The following MORC1 variants were observed in gnomAD, a reference collection of about 807,000 sequenced individuals.
MORC1 encodes the protein MORC family CW-type zinc finger protein 1.
A neutral mutation model predicts 134.9 loss-of-function variants in MORC1; 59 were observed. The observed-to-expected ratio is 0.44, with a 90% CI of 0.35 to 0.54. The LOEUF is 0.54. Ranked by LOEUF, MORC1 falls within the 20% of genes least tolerant of loss-of-function variation. MORC1 has a pLI of 0.00. For synonymous variants in MORC1, 395 were observed against 391.7 expected, an observed-to-expected ratio of 1.01 and a Z score of -0.10; for missense variants, 947 against 1,134.5, an observed-to-expected ratio of 0.83 and a Z score of 2.37.
intron 17 of MORC1, among the ~76,000 whole-genome samples, chr3:109,022,830 T>C (rs560247353): frequency 5.3e-5 from 8 of 152,282 alleles, no homozygotes; most frequent in Admixed American, 3.3e-4. Flanking sequence ...CTAGGTACTA[T>C]TGGGAATGCA....
At position 109,071,813 on chromosome 3, in the gene MORC1, G is replaced by A. The variant is rs577048521; in HGVS notation, c.690-2056C>T. On this transcript the variant is annotated intron_variant, in intron 8 of 27. Transcript: ENST00000232603. Reference sequence around the variant, plus strand: ...AAGTTCCAGAGTCCCAGAAGGAGAGGAGGTTTGCATATAAGCCATATGGTT... The same window carrying A: ...AAGTTCCAGAGTCCCAGAAGGAGAGAAGGTTTGCATATAAGCCATATGGTT... 5.8e-4 allele frequency among the ~76,000 whole-genome samples: 89 copies of A among 152,228 alleles called. 1 individual carries two copies. In the South Asian group the frequency reaches 8.1e-3, roughly 14 times the overall value.
intron 3 of MORC1, 33 bp downstream of exon 3, chr3:109,110,716 A>G: frequency 6.5e-7 from 1 of 1,542,260 alleles, no homozygotes; most frequent in Non-Finnish European, 8.8e-7. Flanking sequence ...TTTCCATTAG[A>G]AGAAAATAAA....
chr3:109,031,512 A>G (rs1949240375), intron 16 of MORC1, among the ~76,000 whole-genome samples: 1 of 152,172 alleles, frequency 6.6e-6, no homozygotes, highest in Admixed American at 6.5e-5. Context: ...AACTATTCTT[A>G]ATATTGAAAC....
chr3:108,978,537 C>T (rs951667686), intron 24 of MORC1, among the ~76,000 whole-genome samples: 1 of 152,124 alleles, frequency 6.6e-6, no homozygotes, highest in African/African-American at 2.4e-5. Context: ...TCACCACACC[C>T]ATGGCATCTG....
intron 17 of MORC1, among the ~76,000 whole-genome samples, chr3:109,012,388 A>G (rs1948708416): frequency 6.6e-6 from 1 of 152,108 alleles, no homozygotes; most frequent in African/African-American, 2.4e-5. Context: ...TGATTCCTCC[A>G]TCTTTGTTCT....
rs1044900813 is a variant in MORC1, at chr3:109,103,999, G to A, written c.155-82C>T. On this transcript the variant is annotated intron_variant, in intron 3 of 27. Coordinates refer to ENST00000232603, the MANE Select transcript of MORC1 (RefSeq NM_014429.4). ...AGTCATGCTGCTAGAATAATTATTCGTCTTCCTCCAATGCAGCCACAGAGT... is the reference window on the plus strand; with the variant it reads ...AGTCATGCTGCTAGAATAATTATTCATCTTCCTCCAATGCAGCCACAGAGT... 2.5e-5 allele frequency: 32 copies of A among 1,282,826 alleles called. No homozygotes were observed. In the African/African-American group the frequency reaches 3.2e-4, roughly 13 times the overall value. 79.5% of individuals were successfully genotyped at this position (1,282,826 alleles called of 1,614,324 possible).
intron 8 of MORC1, among the ~76,000 whole-genome samples, chr3:109,071,014 C>T (rs1194014877): frequency 6.6e-6 from 1 of 152,148 alleles, no homozygotes. Context: ...ACAAGATAGG[C>T]TGTCTGTATT....
chr3:109,036,233 G>A (rs1359127728), intron 14 of MORC1, among the ~76,000 whole-genome samples: 2 of 152,124 alleles, frequency 1.3e-5, no homozygotes, highest in African/African-American at 2.4e-5. Flanking sequence ...AGAGCTAAAT[G>A]TAGTGTTGCA....
intron 18 of MORC1, 145 bp from the exon 19 acceptor site, chr3:109,005,460 T>A: frequency 1.4e-6 from 1 of 709,776 alleles, no homozygotes; most frequent in Non-Finnish European, 2.1e-6. Flanking sequence ...ACAACTTTAA[T>A]AATGTATAAT....
chr3:109,099,601 G>A, intron 5 of MORC1, 135 bp from the exon 6 acceptor site: 1 of 611,962 alleles, frequency 1.6e-6, no homozygotes, highest in South Asian at 3.4e-5. Context: ...TCATCAAGAG[G>A]GTACAATTTT....
chr3:109,010,582 A>G (rs1948659254), intron 17 of MORC1, among the ~76,000 whole-genome samples: 1 of 152,194 alleles, frequency 6.6e-6, no homozygotes, highest in South Asian at 2.1e-4. Flanking sequence ...ACATAATTTG[A>G]AAGATTTTGA....
chr3:108,965,512 T>A (rs1365842149), intron 26 of MORC1, among the ~76,000 whole-genome samples: 1 of 152,024 alleles, frequency 6.6e-6, no homozygotes, highest in African/African-American at 2.4e-5. Flanking sequence ...AAGGCCTGAG[T>A]GGATATGACT....
intron 8 of MORC1, among the ~76,000 whole-genome samples, chr3:109,081,087 A>G (rs1279707062): frequency 6.6e-6 from 1 of 152,172 alleles, no homozygotes; most frequent in East Asian, 1.9e-4. Flanking sequence ...GAAATAAACT[A>G]AGATTCTTAG....
intron 9 of MORC1, among the ~76,000 whole-genome samples, chr3:109,068,628 G>C (rs965816595): frequency 6.6e-6 from 1 of 152,116 alleles, no homozygotes; most frequent in South Asian, 2.1e-4. Context: ...GGGCATTTGG[G>C]TTGGCTCCAT....
intron 17 of MORC1, among the ~76,000 whole-genome samples, chr3:109,025,414 G>A (rs1253088717): frequency 1.8e-5 from 2 of 110,164 alleles, no homozygotes; most frequent in Non-Finnish European, 3.4e-5. Context: ...TTGAGACAGA[G>A]TCTCATCTTT....
At chr3:109,005,708 A>G (rs2107534737) in intron 18 of MORC1, among the ~76,000 whole-genome samples, 1 of 152,322 alleles carries the variant, frequency 6.6e-6, no homozygotes, top group Non-Finnish European at 1.5e-5. Flanking sequence ...GCAGCCAATG[A>G]AAGATGTATT....
chr3:109,035,348 A>G lies in MORC1; in HGVS notation c.1451T>C (p.Ile484Thr). 2 of 1,588,258 alleles carry G rather than the reference A, an allele frequency of 1.3e-6. No individual in the cohort carries two copies. Among genetic ancestry groups the G allele is most frequent in the Non-Finnish European group, 1.7e-6 (2 of 1,167,462 alleles). Residue 484 changes from isoleucine to threonine, a missense_variant, in exon 15 of 28, where the codon ATA becomes ACA. Ile to Thr is a moderately conservative substitution (Grantham distance 89). Transcript: ENST00000232603. ...RRQAMGIPFIIQCDLCLKWRV... is the reference protein window; with the variant it reads ...RRQAMGIPFITQCDLCLKWRV... ...TGGACTTCAACACTCACCACATTGT[A>G]TGATGAATGGGATACCCATGGCTTG...
At chr3:108,959,155 G>A (rs2197738) in intron 27 of MORC1, 35 bp from the exon 28 acceptor site, 525,932 of 1,536,140 alleles carry the variant, frequency 0.34, 93,309 homozygotes, top group Middle Eastern at 0.49. Context: ...ACCAGGGAAA[G>A]AAGCTGCAGA....
chr3:109,033,286 G>GAGGAAGGAAGGAAGGA lies in MORC1; in HGVS notation c.1460-477_1460-462dup, dbSNP rs55742240. ...GAAAGAAAGAAGGAAAGCAAGAAAG[G>GAGGAAGGAAGGAAGGA]AGGAAGGAAGGAAGGAAGGAAGGAA... On this transcript the variant is annotated intron_variant, in intron 15 of 27. Transcript: ENST00000232603. Among the ~76,000 whole-genome samples, 1,316 of 136,950 alleles carry GAGGAAGGAAGGAAGGA rather than the reference G, an allele frequency of 9.6e-3. 15 individuals carry two copies. The highest frequency in any genetic ancestry group is 0.012 in the African/African-American group (419 of 34,236). 89.8% of individuals were successfully genotyped at this position (136,950 alleles called of 152,430 possible). A position where few individuals can be genotyped will look rare whatever the true frequency, so the allele number is the denominator to read the frequency against.
Sources: allele counts gnomAD v4.1 joint callset (sites outside exome capture counted in the v4.1 genomes callset), GRCh38; gene constraint gnomAD v4.1.1; transcripts MANE v1.5; gene names NCBI Gene and HGNC (gene_info 2026-07-23, HGNC 2026-07-21).